Variants in RBFOX1 observed in about 807,000 individuals in gnomAD.
RBFOX1 encodes RNA binding protein fox-1 homolog 1.
In RBFOX1, 8 loss-of-function variants were observed where a neutral mutation model predicts 57.7. The observed-to-expected ratio is 0.14, with a 90% CI of 0.08 to 0.25. The LOEUF (loss-of-function observed/expected upper bound fraction) is 0.25, where lower values mean the gene tolerates loss of function less well. Among genes scored for constraint, RBFOX1 ranks in the 10% least tolerant of loss-of-function variants. The pLI is 1.00. For synonymous variants in RBFOX1, 326 were observed against 222.4 expected (o/e 1.47, Z -4.15); for missense variants, 611 against 548.5 (o/e 1.11, Z -1.14).
intron 3 of RBFOX1, among the ~76,000 whole-genome samples, chr16:6,689,642 C>G (rs1568226345): frequency 6.6e-6 from 1 of 152,140 alleles, no homozygotes. Context: ...TGAATGTAGA[C>G]ATATTCCTTG....
intron 3 of RBFOX1, among the ~76,000 whole-genome samples, chr16:6,915,268 C>G (rs34094377): frequency 6.6e-6 from 1 of 151,746 alleles, no homozygotes; most frequent in African/African-American, 2.4e-5. Flanking sequence ...TAATTCCCTC[C>G]AAGAAGGGCC....
In RBFOX1 at chr16:5,608,578, C is replaced by T. The variant is rs11646346; in HGVS notation, c.318+9617C>T. 4.7e-3 allele frequency among the ~76,000 whole-genome samples: 715 copies of T among 152,276 alleles called. 1 individual carries two copies. The highest frequency in any genetic ancestry group is 0.02 in the South Asian group (94 of 4,818). Reference sequence around the variant, plus strand: ...AAATCAAATTGTTATGAGGATTCAACGAGTTAATATAGGTAAAGCCTTAGG... The same window carrying T: ...AAATCAAATTGTTATGAGGATTCAATGAGTTAATATAGGTAAAGCCTTAGG... On this transcript the variant is annotated intron_variant, in intron 3 of 19. Transcript: ENST00000641259.
intron 12 of RBFOX1, among the ~76,000 whole-genome samples, chr16:7,657,343 C>T (rs2066560640): frequency 6.6e-6 from 1 of 152,218 alleles, no homozygotes; most frequent in African/African-American, 2.4e-5. Context: ...CTTACTCTGT[C>T]ACCCAGGCTT....
chr16:5,954,371 C>G (rs550283426), intron 4 of RBFOX1, among the ~76,000 whole-genome samples: 1 of 151,550 alleles, frequency 6.6e-6, no homozygotes, highest in Non-Finnish European at 1.5e-5. Flanking sequence ...CAGGTGGTGC[C>G]GGGTCTCTTC....
At chr16:5,724,027 A>G (rs562604524) in intron 3 of RBFOX1, among the ~76,000 whole-genome samples, 8 of 150,918 alleles carry the variant, frequency 5.3e-5, no homozygotes, top group South Asian at 2.1e-4. Flanking sequence ...TTAGCAAACC[A>G]TTTGTGTGTC....
At chr16:7,197,706 A>G (rs1457098245) in intron 4 of RBFOX1, among the ~76,000 whole-genome samples, 2 of 152,244 alleles carry the variant, frequency 1.3e-5, no homozygotes, top group African/African-American at 4.8e-5. Flanking sequence ...TGGATAAACT[A>G]AATGTGGTAT....
rs1417873359 is a variant in RBFOX1 at position 7,155,762 on chromosome 16, C to CACACAG, written c.27+103667_27+103668insCAGACA. Among the ~76,000 whole-genome samples the CACACAG allele has an allele frequency of 3.2e-3, 391 of 122,928 alleles. 10 individuals are homozygous for CACACAG. The highest frequency in any genetic ancestry group is 4.5e-3 in the Middle Eastern group (1 of 220). The allele number at this position is 122,928 out of a possible 152,430, so 80.6% of individuals were successfully genotyped here. On this transcript the variant is annotated intron_variant, in intron 4 of 15. Coordinates refer to ENST00000550418, the MANE Select transcript of RBFOX1 (RefSeq NM_018723.4). ...ATACACACACACACACACACACACA[C>CACACAG]ACATATATATACAGACACATATATA...
chr16:7,273,194 C>T (rs2095366114), intron 4 of RBFOX1, among the ~76,000 whole-genome samples: 1 of 93,060 alleles, frequency 1.1e-5, no homozygotes, highest in African/African-American at 5.7e-5. Flanking sequence ...TCCTCCCTTC[C>T]TTCCTCCCTC....
intron 4 of RBFOX1, among the ~76,000 whole-genome samples, chr16:5,891,065 A>G (rs1252288470): frequency 6.6e-6 from 1 of 152,236 alleles, no homozygotes; most frequent in Non-Finnish European, 1.5e-5. Flanking sequence ...CCCAGGGCAC[A>G]GGAAGACTTG....
chr16:7,000,918 T>C (rs900260327), intron 3 of RBFOX1, among the ~76,000 whole-genome samples: 1 of 152,120 alleles, frequency 6.6e-6, no homozygotes, highest in Admixed American at 6.6e-5. Flanking sequence ...TAATAAATTT[T>C]CTTGTTTACT....
At chr16:6,950,282 C>A (rs1408528941) in intron 3 of RBFOX1, among the ~76,000 whole-genome samples, 2 of 151,918 alleles carry the variant, frequency 1.3e-5, no homozygotes, top group Non-Finnish European at 2.9e-5. Context: ...CTTTGCAGAA[C>A]CATGCTCCCC....
intron 3 of RBFOX1, among the ~76,000 whole-genome samples, chr16:5,724,139 A>G (rs1162002631): frequency 6.6e-6 from 1 of 152,150 alleles, no homozygotes; most frequent in Non-Finnish European, 1.5e-5. Flanking sequence ...CTGTGCTCCT[A>G]GGTTTGTTTT....
chr16:6,546,376 T>G (rs1384053539), intron 2 of RBFOX1, among the ~76,000 whole-genome samples: 1 of 152,190 alleles, frequency 6.6e-6, no homozygotes, highest in African/African-American at 2.4e-5. Context: ...TGACAGACAT[T>G]TATTGCCTCA....
intron 4 of RBFOX1, among the ~76,000 whole-genome samples, chr16:7,189,678 G>A (rs1257381450): frequency 6.6e-6 from 1 of 151,904 alleles, no homozygotes; most frequent in Admixed American, 6.6e-5. Flanking sequence ...GCCTACCACT[G>A]GGAAAAAGGT....
intron 2 of RBFOX1, among the ~76,000 whole-genome samples, chr16:5,539,707 G>A (rs1472396058): frequency 1.1e-4 from 17 of 152,202 alleles, no homozygotes; most frequent in South Asian, 4.2e-4. Context: ...ATTTTTTCCC[G>A]TTTTTCATCT....
intron 3 of RBFOX1, among the ~76,000 whole-genome samples, chr16:6,945,012 CTCT>C (rs1307012788): frequency 1.1e-4 from 16 of 152,158 alleles, no homozygotes; most frequent in Admixed American, 5.9e-4. Flanking sequence ...CTTTTAGCAG[CTCT>C]TCTTCTTATC....
intron 3 of RBFOX1, among the ~76,000 whole-genome samples, chr16:6,886,597 A>G (rs891650643): frequency 1.3e-5 from 2 of 151,858 alleles, no homozygotes; most frequent in Admixed American, 6.6e-5. Context: ...TACTAAAAAT[A>G]GAAAAAAATT....
At chr16:7,531,000 G>C (rs955226927) in intron 5 of RBFOX1, among the ~76,000 whole-genome samples, 1 of 152,098 alleles carries the variant, frequency 6.6e-6, no homozygotes. Context: ...GAAGTTCCAC[G>C]GGCAAGTTCT....
chr16:6,415,079 C>T (rs2093583671), intron 2 of RBFOX1, among the ~76,000 whole-genome samples: 1 of 151,708 alleles, frequency 6.6e-6, no homozygotes, highest in Non-Finnish European at 1.5e-5. Context: ...CCCGTCTCTA[C>T]TAAAAATACA....
Sources: allele counts gnomAD v4.1 joint callset (sites outside exome capture counted in the v4.1 genomes callset), GRCh38; gene constraint gnomAD v4.1.1; transcripts MANE v1.5; gene names NCBI Gene and HGNC (gene_info 2026-07-23, HGNC 2026-07-21).